NPR3: variants seen among roughly 807,000 people sequenced by gnomAD.
NPR3 encodes natriuretic peptide receptor 3, also known as atrial natriuretic peptide receptor 3.
A neutral mutation model predicts 54.5 loss-of-function variants in NPR3; 34 were observed. The observed-to-expected ratio is 0.62, with a 90% CI of 0.47 to 0.83. The LOEUF (loss-of-function observed/expected upper bound fraction) is 0.83, where lower values mean the gene tolerates loss of function less well. Ranked by LOEUF, NPR3 falls within the 40% of genes least tolerant of loss-of-function variation. The pLI is 0.00. For missense variants in NPR3, 674 were observed against 720.8 expected (o/e 0.94, Z 0.74); for synonymous variants, 289 against 297.1 (o/e 0.97, Z 0.28).
chr5:32,713,349 C>G, intron 1 of NPR3: 1 of 985,444 alleles, frequency 1.0e-6, no homozygotes, highest in Non-Finnish European at 1.2e-6. Flanking sequence ...CCAAACTGGA[C>G]AAAGAGCTCG....
intron 1 of NPR3, among the ~76,000 whole-genome samples, chr5:32,691,567 G>A (rs938207729): frequency 6.6e-6 from 1 of 152,248 alleles, no homozygotes; most frequent in African/African-American, 2.4e-5. Flanking sequence ...AGACACACCT[G>A]AAAGGCGTTA....
intron 1 of NPR3, chr5:32,716,356 A>T (rs1273230431): frequency 4.5e-6 from 2 of 447,424 alleles, no homozygotes. Context: ...CATATCTCTT[A>T]ATAACATGCT....
At chr5:32,740,671 T>C (rs1270537698) in intron 3 of NPR3, among the ~76,000 whole-genome samples, 2 of 152,028 alleles carry the variant, frequency 1.3e-5, no homozygotes, top group African/African-American at 4.8e-5. Flanking sequence ...AATATAAACA[T>C]ATTTCAACAT....
chr5:32,695,262 A>G (rs938431269), intron 1 of NPR3, among the ~76,000 whole-genome samples: 5 of 151,844 alleles, frequency 3.3e-5, no homozygotes, highest in African/African-American at 1.2e-4. Context: ...CTCTATTTTT[A>G]GTTTTCTTTT....
At position 32,724,776 on chromosome 5, in the gene NPR3, A is replaced by G; in HGVS notation, c.848A>G (p.Asp283Gly). 6.2e-7 allele frequency: 1 copy of G among 1,613,892 alleles called. No individual in the cohort carries two copies. The highest frequency in any genetic ancestry group is 8.5e-7 in the Non-Finnish European group (1 of 1,179,858). ...VAHRHGMTSG[D>G]YAFFNIELFN... ...CACAGGCATGGCATGACCAGTGGAGACTACGCCTTCTTCAACATTGAGCTC... is the reference window on the plus strand; with the variant it reads ...CACAGGCATGGCATGACCAGTGGAGGCTACGCCTTCTTCAACATTGAGCTC... The change falls in exon 2 of 8, where the codon GAC becomes GGC. Residue 283 changes from aspartate to glycine, a missense_variant. By Grantham distance (94) the Asp-to-Gly change is moderately conservative. Coordinates refer to ENST00000265074, the MANE Select transcript of NPR3 (RefSeq NM_001204375.2).
At chr5:32,771,872 T>C (rs1185073468) in intron 3 of NPR3, among the ~76,000 whole-genome samples, 3 of 152,086 alleles carry the variant, frequency 2.0e-5, no homozygotes, top group African/African-American at 7.2e-5. Context: ...GCATCTCCCA[T>C]AGGCCATGAC....
At chr5:32,784,938 G>T in intron 7 of NPR3, 55 bp downstream of exon 7, 1 of 1,290,014 alleles carries the variant, frequency 7.8e-7, no homozygotes. Flanking sequence ...TTTGTCATTT[G>T]ATTTTACATG....
intron 3 of NPR3, among the ~76,000 whole-genome samples, chr5:32,740,876 A>G (rs879878161): frequency 7.9e-5 from 12 of 152,018 alleles, no homozygotes; most frequent in Non-Finnish European, 1.3e-4. Context: ...AACAGAGCCT[A>G]CGTTTAAGGA....
chr5:32,731,720 C>G (rs1739457535), intron 2 of NPR3, among the ~76,000 whole-genome samples: 1 of 152,082 alleles, frequency 6.6e-6, no homozygotes, highest in Admixed American at 6.5e-5. Context: ...ATCAGGTTAG[C>G]CAATGTTAAT....
chr5:32,764,061 T>C (rs1441014649), intron 3 of NPR3, among the ~76,000 whole-genome samples: 1 of 152,176 alleles, frequency 6.6e-6, no homozygotes, highest in African/African-American at 2.4e-5. Flanking sequence ...TCCTCTAGCT[T>C]GGTGGGGTTC....
At chr5:32,715,400 A>C (rs573715521) in intron 1 of NPR3, among the ~76,000 whole-genome samples, 1 of 152,346 alleles carries the variant, frequency 6.6e-6, no homozygotes, top group South Asian at 2.1e-4. Flanking sequence ...TGTTTGAACA[A>C]GTAAAAAACT....
chr5:32,703,473 C>A (rs1477031532), intron 1 of NPR3, among the ~76,000 whole-genome samples: 2 of 152,032 alleles, frequency 1.3e-5, no homozygotes, highest in African/African-American at 2.4e-5. Context: ...CACCTAAAGC[C>A]AGCATAGCCC....
chr5:32,702,358 A>G (rs1350931985), intron 1 of NPR3, among the ~76,000 whole-genome samples: 4 of 151,614 alleles, frequency 2.6e-5, no homozygotes, highest in African/African-American at 2.4e-5. Context: ...TGCTGCACCC[A>G]ATAACTCGTC....
At chr5:32,744,137 C>A (rs1021914066) in intron 3 of NPR3, among the ~76,000 whole-genome samples, 1 of 151,992 alleles carries the variant, frequency 6.6e-6, no homozygotes, top group Non-Finnish European at 1.5e-5. Flanking sequence ...AGATTACAGG[C>A]ACGTGCCGCC....
At chr5:32,770,138 AT>A (rs1741678073) in intron 3 of NPR3, among the ~76,000 whole-genome samples, 5 of 152,224 alleles carry the variant, frequency 3.3e-5, no homozygotes, top group Admixed American at 3.3e-4. Flanking sequence ...AAGCAAGAGA[AT>A]GGAGATGACA....
At position 32,783,149 on chromosome 5, in the gene NPR3, T is replaced by A. The variant is rs1742429227; in HGVS notation, c.1426+121T>A. 1.4e-5 allele frequency: 13 copies of A among 922,224 alleles called. No individual in the cohort carries two copies. In the Admixed American group the frequency reaches 3.4e-4, roughly 24 times the overall value. The allele number at this position is 922,224 out of a possible 1,614,324, so 57.1% of individuals were successfully genotyped here. A position where few individuals can be genotyped will look rare whatever the true frequency, so the allele number is the denominator to read the frequency against. On this transcript the variant is annotated intron_variant, in intron 6 of 7. Transcript: ENST00000265074. Reference sequence around the variant, plus strand: ...TGGAATTTTACATTTCTTTCTCTGATGTGGTAAAACGCATGGGAACAGTTC... The same window carrying A: ...TGGAATTTTACATTTCTTTCTCTGAAGTGGTAAAACGCATGGGAACAGTTC...
At chr5:32,755,900 A>G (rs1740813059) in intron 3 of NPR3, among the ~76,000 whole-genome samples, 1 of 152,198 alleles carries the variant, frequency 6.6e-6, no homozygotes, top group Admixed American at 6.5e-5. Flanking sequence ...GATGGTTTCC[A>G]ACTTCATCCA....
At chr5:32,783,779 C>A (rs1437221081) in intron 6 of NPR3, among the ~76,000 whole-genome samples, 1 of 152,146 alleles carries the variant, frequency 6.6e-6, no homozygotes, top group Non-Finnish European at 1.5e-5. Context: ...TTGTTACTTG[C>A]TGGTTTTGTG....
chr5:32,697,034 G>C (rs1740549419), intron 1 of NPR3, among the ~76,000 whole-genome samples: 1 of 151,990 alleles, frequency 6.6e-6, no homozygotes, highest in East Asian at 1.9e-4. Flanking sequence ...TTTAATAACA[G>C]TGGTGACAGT....
Sources: gnomAD v4.1 joint callset for allele counts (sites outside exome capture counted in the v4.1 genomes callset) on GRCh38, gnomAD v4.1.1 for gene constraint, MANE v1.5 for transcripts, NCBI Gene and HGNC (gene_info 2026-07-23, HGNC 2026-07-21) for gene names.